ATP8A2: variants seen among roughly 807,000 people sequenced by gnomAD.
ATP8A2 encodes phospholipid-transporting ATPase IB.
ATP8A2 carries 100 observed loss-of-function variants against 165.6 expected under a neutral mutation model. That is an observed-to-expected ratio of 0.60 (90% CI 0.51 to 0.71). The LOEUF (loss-of-function observed/expected upper bound fraction) is 0.71, where lower values mean the gene tolerates loss of function less well. ATP8A2 is among the 30% of genes least tolerant of loss of function. The pLI, the probability that ATP8A2 is intolerant of heterozygous loss-of-function variation, is 0.00. For missense variants in ATP8A2, 1,227 were observed against 1,479.5 expected (o/e 0.83, Z 2.80); for synonymous variants, 543 against 548.8 (o/e 0.99, Z 0.15).
chr13:25,693,610 G>A (rs1403908842), intron 24 of ATP8A2, among the ~76,000 whole-genome samples: 1 of 152,140 alleles, frequency 6.6e-6, no homozygotes, highest in Non-Finnish European at 1.5e-5. Flanking sequence ...AACTCAAAGT[G>A]TACCAGTAAG....
intron 35 of ATP8A2, among the ~76,000 whole-genome samples, chr13:25,970,278 G>A (rs1955883060): frequency 6.6e-6 from 1 of 152,220 alleles, no homozygotes; most frequent in South Asian, 2.1e-4. Flanking sequence ...CACATATAAT[G>A]TGGTGTGAGA....
chr13:25,805,618 A>G (rs763594716), intron 27 of ATP8A2, among the ~76,000 whole-genome samples: 1 of 152,248 alleles, frequency 6.6e-6, no homozygotes, highest in Non-Finnish European at 1.5e-5. Context: ...TGCTTTGGAA[A>G]TCTCTACATG....
At position 25,559,049 on chromosome 13, in the gene ATP8A2, G is replaced by C; in HGVS notation, c.1340G>C (p.Gly447Ala). The C allele has an allele frequency of 6.2e-7, 1 of 1,608,926 alleles. No homozygotes were observed. Among genetic ancestry groups the C allele is most frequent in the Non-Finnish European group, 8.5e-7 (1 of 1,176,110 alleles). ...IMNFKKCSIA[G>A]VTYGHFPELA... Reference sequence around the variant, plus strand: ...AACTTTAAGAAGTGCAGCATTGCCGGAGTAACCTATGGGTCAGTGTGTTTA... The same window carrying C: ...AACTTTAAGAAGTGCAGCATTGCCGCAGTAACCTATGGGTCAGTGTGTTTA... The change falls in exon 14 of 37, where the codon GGA becomes GCA. Residue 447 changes from glycine (G) to alanine (A), a missense_variant. Transcript: ENST00000381655.
At chr13:25,563,865 TG>T in intron 15 of ATP8A2, 90 bp from the exon 16 acceptor site, 1 of 828,658 alleles carries the variant, frequency 1.2e-6, no homozygotes. Context: ...ACTTTAGGTA[TG>T]GTTCTTCTTG....
At chr13:25,435,726 T>C (rs547244389) in intron 1 of ATP8A2, among the ~76,000 whole-genome samples, 1 of 152,306 alleles carries the variant, frequency 6.6e-6, no homozygotes, top group South Asian at 2.1e-4. Flanking sequence ...TATACACTTA[T>C]TGTATTATAT....
At chr13:25,802,287 T>C (rs893065062) in intron 27 of ATP8A2, among the ~76,000 whole-genome samples, 1 of 152,180 alleles carries the variant, frequency 6.6e-6, no homozygotes, top group Non-Finnish European at 1.5e-5. Flanking sequence ...TCAGTTTCTA[T>C]ACTGGCAACT....
intron 2 of ATP8A2, among the ~76,000 whole-genome samples, chr13:25,485,050 T>A (rs1330230382): frequency 6.6e-6 from 1 of 152,234 alleles, no homozygotes; most frequent in Non-Finnish European, 1.5e-5. Flanking sequence ...TTTTTTAATG[T>A]TACCTTTACA....
intron 1 of ATP8A2, among the ~76,000 whole-genome samples, chr13:25,401,701 G>A (rs764632382): frequency 6.6e-6 from 1 of 151,968 alleles, no homozygotes; most frequent in Non-Finnish European, 1.5e-5. Context: ...CGGAAACCTC[G>A]GATGGTACCG....
chr13:25,740,636 G>A (rs1426434733), intron 25 of ATP8A2, among the ~76,000 whole-genome samples: 5 of 152,150 alleles, frequency 3.3e-5, no homozygotes, highest in African/African-American at 7.2e-5. Context: ...TTTATGGAGT[G>A]CATGGCCATT....
rs76784302 is a variant in ATP8A2, at chr13:25,885,328, G to A, written c.3183+22920G>A. 8.7e-3 allele frequency among the ~76,000 whole-genome samples: 1,316 copies of A among 152,060 alleles called. 43 individuals are homozygous for A. Among genetic ancestry groups the A allele is most frequent in the East Asian group, 0.065 (335 of 5,118 alleles). On this transcript the variant is annotated intron_variant, in intron 33 of 36. Coordinates refer to ENST00000381655, the MANE Select transcript of ATP8A2 (RefSeq NM_016529.6). ...GCGTTTCACCATGTTGGCCAGGCTG[G>A]TCTCGAACTCCTGACCTCAGGTGAT...
rs966392480 is a variant in ATP8A2 at position 25,625,212 on chromosome 13, A to G, written c.2211+35513A>G. ...AGTGACACTCAAGTTTGAGCCCCGT[A>G]ATCAAGAGACAGGAGAAATGTTAAT... On this transcript the variant is annotated intron_variant, in intron 24 of 36. Transcript: ENST00000381655. 9.9e-5 allele frequency among the ~76,000 whole-genome samples: 15 copies of G among 152,240 alleles called. 1 individual carries two copies. Among genetic ancestry groups the G allele is most frequent in the Non-Finnish European group, 1.8e-4 (12 of 68,044 alleles).
At chr13:25,531,988 T>A (rs1340648720) in intron 4 of ATP8A2, among the ~76,000 whole-genome samples, 1 of 152,228 alleles carries the variant, frequency 6.6e-6, no homozygotes, top group Non-Finnish European at 1.5e-5. Context: ...TTGCTGGGTT[T>A]ATCACACTGA....
intron 2 of ATP8A2, among the ~76,000 whole-genome samples, chr13:25,498,117 C>G (rs138995954): frequency 1.3e-5 from 2 of 152,162 alleles, no homozygotes; most frequent in Non-Finnish European, 2.9e-5. Flanking sequence ...GCACCCAATA[C>G]GGGGCAGGTG....
At chr13:25,698,011 A>C (rs17487900) in intron 24 of ATP8A2, among the ~76,000 whole-genome samples, 1 of 152,162 alleles carries the variant, frequency 6.6e-6, no homozygotes, top group African/African-American at 2.4e-5. Flanking sequence ...TTAATTAAAC[A>C]TATTTCTTTA....
At chr13:25,834,379 C>T (rs1350578555) in intron 28 of ATP8A2, among the ~76,000 whole-genome samples, 3 of 152,050 alleles carry the variant, frequency 2.0e-5, no homozygotes, top group Non-Finnish European at 2.9e-5. Context: ...TGCATGTATC[C>T]TTTTAACTCT....
intron 1 of ATP8A2, among the ~76,000 whole-genome samples, chr13:25,380,510 A>G (rs1017972257): frequency 6.6e-6 from 1 of 152,222 alleles, no homozygotes; most frequent in African/African-American, 2.4e-5. Context: ...AAAACAGTTC[A>G]TTCATAATGT....
intron 27 of ATP8A2, among the ~76,000 whole-genome samples, chr13:25,801,639 A>C (rs764339933): frequency 4.6e-5 from 7 of 152,168 alleles, no homozygotes; most frequent in Admixed American, 2.6e-4. Context: ...TATACTTTGA[A>C]ACGTGAAGAT....
intron 33 of ATP8A2, among the ~76,000 whole-genome samples, chr13:25,936,764 C>T (rs1954902965): frequency 6.6e-6 from 1 of 152,212 alleles, no homozygotes; most frequent in Non-Finnish European, 1.5e-5. Context: ...ACACAGGACT[C>T]TTTCTTCCTG....
intron 1 of ATP8A2, among the ~76,000 whole-genome samples, chr13:25,431,502 C>CAGG (rs142797644): frequency 5.9e-5 from 9 of 151,450 alleles, no homozygotes; most frequent in African/African-American, 1.9e-4. Flanking sequence ...ACTTCGGCGG[C>CAGG]GGGGGGGGAA....
Sources: allele counts gnomAD v4.1 joint callset (sites outside exome capture counted in the v4.1 genomes callset), GRCh38; gene constraint gnomAD v4.1.1; transcripts MANE v1.5; gene names NCBI Gene and HGNC (gene_info 2026-07-23, HGNC 2026-07-21).